FAM72A: variants seen among roughly 807,000 people sequenced by gnomAD.
FAM72A encodes protein FAM72A.
FAM72A carries 1 observed loss-of-function variant against 11.3 expected under a neutral mutation model. The ratio of observed to expected loss-of-function variants is 0.09; its 90% CI spans 0.03 to 0.42. The LOEUF (loss-of-function observed/expected upper bound fraction) is 0.42. FAM72A is among the 10% of genes least tolerant of loss of function. FAM72A has a pLI of 0.98. For synonymous variants in FAM72A, 5 were observed against 46.9 expected (o/e 0.11, Z 3.65); for missense variants, 15 against 135.5 (o/e 0.11, Z 4.41).
At chr1:206,191,249 C>T (rs1385782262) in intron 3 of FAM72A, among the ~76,000 whole-genome samples, 24 of 98,262 alleles carry the variant, frequency 2.4e-4, no homozygotes, top group Non-Finnish European at 2.7e-4. Context: ...TGCGGTGAGC[C>T]GAGATCACGC....
At chr1:206,203,764 C>T (rs536070022), upstream of FAM72A, 11,831 of 1,483,356 alleles carry the variant, frequency 8.0e-3, 84 homozygotes, top group Middle Eastern at 0.03. Flanking sequence ...CTCGCGGCAT[C>T]GCCTTAGCGG....
chr1:206,192,785 C>T (rs1664860546), intron 3 of FAM72A, among the ~76,000 whole-genome samples: 1 of 136,144 alleles, frequency 7.3e-6, no homozygotes, highest in Non-Finnish European at 1.6e-5. Flanking sequence ...GAAGCCATTT[C>T]TATAACATAC....
chr1:206,189,474 C>T (rs1664687036), intron 3 of FAM72A, among the ~76,000 whole-genome samples: 1 of 135,396 alleles, frequency 7.4e-6, no homozygotes, highest in East Asian at 2.2e-4. Context: ...CACCCCCACC[C>T]TAAGAATGAA....
At chr1:206,190,385 T>TA (rs1368212059) in intron 3 of FAM72A, among the ~76,000 whole-genome samples, 10 of 143,506 alleles carry the variant, frequency 7.0e-5, no homozygotes, top group African/African-American at 1.6e-4. Context: ...GAGTCCCAGA[T>TA]AAAAAAATCA....
chr1:206,190,422 G>C (rs1206495764), intron 3 of FAM72A, among the ~76,000 whole-genome samples: 1 of 144,764 alleles, frequency 6.9e-6, no homozygotes, highest in African/African-American at 2.6e-5. Flanking sequence ...AGCATAATTG[G>C]AGGATTTAAA....
intron 2 of FAM72A, among the ~76,000 whole-genome samples, chr1:206,198,099 C>T (rs1558206940): frequency 1.3e-5 from 2 of 151,122 alleles, no homozygotes; most frequent in Non-Finnish European, 2.9e-5. Flanking sequence ...TGCGGTGGCT[C>T]ACGCCTGTAA....
intron 2 of FAM72A, among the ~76,000 whole-genome samples, chr1:206,196,723 A>G (rs1449950667): frequency 2.0e-5 from 3 of 146,560 alleles, no homozygotes; most frequent in Non-Finnish European, 4.5e-5. Context: ...GCCTCCAGAG[A>G]AAGTTGCAAA....
upstream of FAM72A, chr1:206,203,845 T>C (rs201500952): frequency 1.6e-4 from 246 of 1,507,022 alleles, 1 homozygote; most frequent in Middle Eastern, 4.8e-4. Flanking sequence ...CCATAATACT[T>C]CTCAGGACTG....
In FAM72A at chr1:206,190,871, C is replaced by CA. The variant is rs545469020; in HGVS notation, c.356-3499dup. Among the ~76,000 whole-genome samples, 802 of 105,198 alleles carry CA rather than the reference C, an allele frequency of 7.6e-3. 9 individuals are homozygous for CA. Among genetic ancestry groups the CA allele is most frequent in the Admixed American group, 0.05 (525 of 10,562 alleles). The allele number at this position is 105,198 out of a possible 152,430, so 69.0% of individuals were successfully genotyped here. A position where few individuals can be genotyped will look rare whatever the true frequency, so the allele number is the denominator to read the frequency against. On this transcript the variant is annotated intron_variant, in intron 3 of 3. Transcript: ENST00000367128. ...GGGTGACAGAGCAAGACCCTGTCTC[C>CA]AAAAAAAAAAAAAAAGTTCCTTAAA...
At chr1:206,190,876 A>G (rs1225509633) in intron 3 of FAM72A, among the ~76,000 whole-genome samples, 1 of 151,432 alleles carries the variant, frequency 6.6e-6, no homozygotes, top group East Asian at 1.9e-4. Flanking sequence ...GTCTCCAAAA[A>G]AAAAAAAAAA....
In FAM72A at chr1:206,187,182, CA is replaced by C; in HGVS notation, c.*96del. On this transcript the variant is annotated 3_prime_UTR_variant, in exon 4 of 4. Coordinates refer to ENST00000367128, the MANE Select transcript of FAM72A (RefSeq NM_001123168.3). Reference sequence around the variant, plus strand: ...CAACAAATGCCCCATTTTTGTTTTCCAAAAAAGATCACTGGCAACTAACAAT... The same window carrying C: ...CAACAAATGCCCCATTTTTGTTTTCCAAAAAGATCACTGGCAACTAACAAT... The C allele has an allele frequency of 2.4e-6, 3 of 1,237,080 alleles. No homozygotes were observed. The highest frequency in any genetic ancestry group is 3.2e-6 in the Non-Finnish European group (3 of 927,852). 76.6% of individuals were successfully genotyped at this position (1,237,080 alleles called of 1,614,324 possible).
intron 2 of FAM72A, among the ~76,000 whole-genome samples, chr1:206,198,279 G>A (rs1416758395): frequency 5.4e-5 from 8 of 149,450 alleles, no homozygotes; most frequent in South Asian, 4.3e-4. Context: ...CAGGAGATTC[G>A]CTTGAACCTG....
Position 206,187,057 on chromosome 1 carries a change from G to C in FAM72A, c.*222C>G. 1.6e-6 allele frequency: 1 copy of C among 627,142 alleles called. No individual in the cohort carries two copies. The highest frequency in any genetic ancestry group is 2.5e-6 in the Non-Finnish European group (1 of 392,244). 38.8% of individuals were successfully genotyped at this position (627,142 alleles called of 1,614,324 possible). ...TTTAAGAATACACCTACACTGGGCA[G>C]AAAAAGGTCGGGGAGAGGAAGTAGA... On this transcript the variant is annotated 3_prime_UTR_variant, in exon 4 of 4. Coordinates refer to ENST00000367128, the MANE Select transcript of FAM72A (RefSeq NM_001123168.3).
upstream of FAM72A, chr1:206,203,503 TC>T: frequency 2.1e-6 from 1 of 484,152 alleles, no homozygotes; most frequent in South Asian, 4.0e-5. Context: ...GGGCTCTACT[TC>T]CCGGCGGGGT....
chr1:206,203,641 T>A (rs1172149939), upstream of FAM72A: 10 of 603,312 alleles, frequency 1.7e-5, no homozygotes, highest in Non-Finnish European at 3.0e-5. Flanking sequence ...ACCCGTCGCG[T>A]CAGAGCCAGG....
chr1:206,196,146 C>G (rs1553298302), intron 2 of FAM72A, among the ~76,000 whole-genome samples: 1 of 142,982 alleles, frequency 7.0e-6, no homozygotes, highest in Admixed American at 7.0e-5. Context: ...TCTTGTCACC[C>G]AGGCTGGAGT....
intron 3 of FAM72A, among the ~76,000 whole-genome samples, chr1:206,188,487 TA>T: frequency 6.7e-6 from 1 of 150,262 alleles, no homozygotes; most frequent in East Asian, 2.0e-4. Flanking sequence ...GATAGCCAAT[TA>T]ACTTCACAAG....
chr1:206,196,155 G>A (rs1665047257), intron 2 of FAM72A, among the ~76,000 whole-genome samples: 1 of 140,772 alleles, frequency 7.1e-6, no homozygotes, highest in South Asian at 2.4e-4. Flanking sequence ...CCAGGCTGGA[G>A]TGCCTGCAAC....
At chr1:206,192,060 A>ACAAG (rs1290205895) in intron 3 of FAM72A, among the ~76,000 whole-genome samples, 1 of 117,256 alleles carries the variant, frequency 8.5e-6, no homozygotes, top group Non-Finnish European at 1.7e-5. Flanking sequence ...GTCTAACAGC[A>ACAAG]TATGCTTACC....
Sources: allele counts gnomAD v4.1 joint callset (sites outside exome capture counted in the v4.1 genomes callset), GRCh38; gene constraint gnomAD v4.1.1; transcripts MANE v1.5; gene names NCBI Gene and HGNC (gene_info 2026-07-23, HGNC 2026-07-21).